PABPC1: variants seen among roughly 807,000 people sequenced by gnomAD.
PABPC1 encodes poly(A) binding protein cytoplasmic 1.
A neutral mutation model predicts 74.0 loss-of-function variants in PABPC1; 4 were observed. The ratio of observed to expected loss-of-function variants is 0.05; its 90% CI spans 0.03 to 0.12. The LOEUF is 0.12. Ranked by LOEUF, PABPC1 falls within the 10% of genes least tolerant of loss-of-function variation. The pLI, the probability that PABPC1 is intolerant of heterozygous loss-of-function variation, is 1.00. For missense variants in PABPC1, 271 were observed against 821.1 expected, an observed-to-expected ratio of 0.33 and a Z score of 8.19; for synonymous variants, 227 against 264.1, an observed-to-expected ratio of 0.86 and a Z score of 1.36.
intron 11 of PABPC1, 125 bp from the exon 12 acceptor site, chr8:100,705,798 G>A (rs1272112602): frequency 2.9e-6 from 2 of 680,092 alleles, no homozygotes; most frequent in East Asian, 2.7e-5. Flanking sequence ...GAAGTTGAGT[G>A]AGCGAATTAG....
chr8:100,717,089 C>A (rs1810691159), intron 3 of PABPC1, among the ~76,000 whole-genome samples: 1 of 152,160 alleles, frequency 6.6e-6, no homozygotes. Context: ...CGGTTCACTG[C>A]AACCTCCGCC....
Position 100,709,584 on chromosome 8 carries a change from G to A in PABPC1, c.1120C>T (p.Arg374Cys), listed in dbSNP as rs200409148. Residue 374 changes from arginine (R) to cysteine (C), a missense_variant, in exon 8 of 15, where the codon CGC becomes TGC. Physicochemically the swap from Arg to Cys is radical, Grantham distance 180. Around this residue, in one of 7 missense-constraint regions of PABPC1, gnomAD observed 7 missense variants for 71.8 expected, o/e 0.10. Coordinates refer to ENST00000318607, the MANE Select transcript of PABPC1 (RefSeq NM_002568.4). ...YVALAQRKEE[R>C]QAHLTNQYMQ... ...TACTGGTTAGTGAGGTGAGCCTGGC[G>A]CTCTTCTTTGCGCTGAGCTAAAGCT... 0.041 allele frequency: 41,465 copies of A among 1,012,748 alleles called. No homozygotes were observed. The highest frequency in any genetic ancestry group is 0.14 in the South Asian group (6,010 of 44,384). The allele number at this position is 1,012,748 out of a possible 1,614,324, so 62.7% of individuals were successfully genotyped here. A position where few individuals can be genotyped will look rare whatever the true frequency, so the allele number is the denominator to read the frequency against.
rs966800317 is a variant in PABPC1 at position 100,721,039 on chromosome 8, G to A, written c.193+352C>T. On this transcript the variant is annotated intron_variant, in intron 1 of 14. Transcript: ENST00000318607. This position sits in a 1 kb window ranked among gnomAD's most constrained non-coding sequence, Gnocchi z 7.4. The stretch of plus-strand genomic sequence containing the variant: ...CGCCTCCACCTCTTACCCACGGAAG[G>A]AGCTCAGCGTTCAACGCCCCAGAAT... 2.8e-5 allele frequency among the ~76,000 whole-genome samples: 4 copies of A among 144,394 alleles called. No homozygotes were observed. The highest frequency in any genetic ancestry group is 2.1e-4 in the South Asian group (1 of 4,826). The allele number at this position is 144,394 out of a possible 152,430, so 94.7% of individuals were successfully genotyped here.
intron 4 of PABPC1, 71 bp downstream of exon 4, chr8:100,715,391 G>A (rs906653839): frequency 4.5e-6 from 6 of 1,324,976 alleles, no homozygotes; most frequent in South Asian, 3.2e-5. Context: ...TTAGTATAAA[G>A]TAATAGCTAA....
chr8:100,714,422 G>C (rs1002281974), intron 4 of PABPC1, among the ~76,000 whole-genome samples: 1 of 152,130 alleles, frequency 6.6e-6, no homozygotes, highest in African/African-American at 2.4e-5. Flanking sequence ...TGACATGCTA[G>C]CATGGCAGTA....
chr8:100,715,618 G>A lies in PABPC1; in HGVS notation c.504-17C>T. On this transcript the variant is annotated splice_polypyrimidine_tract_variant and intron_variant, in intron 3 of 14. Transcript: ENST00000318607. ...CCAACAAATCTAATAAGATATACAA[G>A]GACTATAACATTAGATTCTATTTTA... 6.4e-7 allele frequency: 1 copy of A among 1,565,528 alleles called. No individual in the cohort carries two copies. The highest frequency in any genetic ancestry group is 1.2e-5 in the South Asian group (1 of 86,730).
At position 100,712,733 on chromosome 8, in the gene PABPC1, T is replaced by C; in HGVS notation, c.795A>G (p.Arg265=). ...TCTGCCGTTCCACCTTTTTCTGAGC[T>C]CGACCAACATAAATTTGTTTTCCAT... ...ELNGKQIYVG[R]AQKKVERQTE... is the part of the protein sequence containing the mutation. The change falls in exon 6 of 15, where the codon CGA becomes CGG. Residue 265 remains arginine, a synonymous_variant. Transcript: ENST00000318607. The C allele has an allele frequency of 6.2e-7, 1 of 1,613,138 alleles. No homozygotes were observed. The highest frequency in any genetic ancestry group is 8.5e-7 in the Non-Finnish European group (1 of 1,179,906).
rs1431779730 is a variant in PABPC1 at position 100,721,851 on chromosome 8, C to T, written c.-268G>A. On this transcript the variant is annotated 5_prime_UTR_variant, in exon 1 of 15. Coordinates refer to ENST00000318607, the MANE Select transcript of PABPC1 (RefSeq NM_002568.4). The surrounding 1 kb of genome is among the most constrained non-coding windows in gnomAD (Gnocchi z 7.4). Reference sequence around the variant, plus strand: ...TCGGTCTCTTGGTTCCTTCTTGGAGCTGCTGCGGGGCCGCGGGCGGGCGGG... The same window carrying T: ...TCGGTCTCTTGGTTCCTTCTTGGAGTTGCTGCGGGGCCGCGGGCGGGCGGG... The T allele has an allele frequency of 1.2e-4, 43 of 352,328 alleles. No individual in the cohort carries two copies. In the East Asian group the frequency reaches 1.8e-3, roughly 15 times the overall value. 21.8% of individuals were successfully genotyped at this position (352,328 alleles called of 1,614,324 possible).
chr8:100,714,863 T>C (rs1056967378), intron 4 of PABPC1, among the ~76,000 whole-genome samples: 1 of 152,230 alleles, frequency 6.6e-6, no homozygotes, highest in Non-Finnish European at 1.5e-5. Flanking sequence ...TTATTTTATC[T>C]GTTATACCCC....
At chr8:100,715,906 G>T (rs929880785) in intron 3 of PABPC1, among the ~76,000 whole-genome samples, 2 of 152,100 alleles carry the variant, frequency 1.3e-5, no homozygotes, top group Non-Finnish European at 2.9e-5. Flanking sequence ...TGTGTACCAT[G>T]CCAATAAAAA....
At chr8:100,707,763 C>T (rs1810419597) in intron 9 of PABPC1, among the ~76,000 whole-genome samples, 1 of 152,204 alleles carries the variant, frequency 6.6e-6, no homozygotes, top group Non-Finnish European at 1.5e-5. Flanking sequence ...CTCTAAACTC[C>T]CCAGGGGAAA....
chr8:100,720,260 T>C (rs1008275894), intron 1 of PABPC1, among the ~76,000 whole-genome samples: 1 of 138,226 alleles, frequency 7.2e-6, no homozygotes, highest in Admixed American at 6.9e-5. Flanking sequence ...AGACCACAGA[T>C]ATTATCTGTT....
rs1414437684 is a variant in PABPC1 at position 100,717,871 on chromosome 8, A to G, written c.405T>C (p.Asn135=). The change falls in exon 3 of 15, where the codon AAT becomes AAC. Residue 135 remains asparagine, a synonymous_variant. Coordinates refer to ENST00000318607, the MANE Select transcript of PABPC1 (RefSeq NM_002568.4). ...ILSCKVVCDE[N]GSKGYGFVHF... is the part of the protein sequence containing the mutation. ...GTACAAATCCATAGCCCTTGGAACCATTTTCATCACAAACCACCTAGGGAA... is the reference window on the plus strand; with the variant it reads ...GTACAAATCCATAGCCCTTGGAACCGTTTTCATCACAAACCACCTAGGGAA... 6.2e-7 allele frequency: 1 copy of G among 1,612,556 alleles called. No homozygotes were observed. Among genetic ancestry groups the G allele is most frequent in the Non-Finnish European group, 8.5e-7 (1 of 1,178,796 alleles).
intron 4 of PABPC1, 82 bp from the exon 5 acceptor site, chr8:100,713,263 T>C (rs1810577045): frequency 5.0e-6 from 4 of 797,772 alleles, no homozygotes; most frequent in Non-Finnish European, 7.4e-6. Flanking sequence ...TACAAAGCCA[T>C]GAAAAAAATT....
intron 1 of PABPC1, among the ~76,000 whole-genome samples, chr8:100,719,822 A>G (rs555246584): frequency 6.6e-6 from 1 of 152,336 alleles, no homozygotes; most frequent in East Asian, 1.9e-4. Context: ...AGGTTGTGAT[A>G]ACCTGCCCCA....
At chr8:100,709,399 A>C (rs1181354273) in intron 8 of PABPC1, 60 bp downstream of exon 8, 11 of 1,594,976 alleles carry the variant, frequency 6.9e-6, no homozygotes, top group Non-Finnish European at 9.4e-6. Flanking sequence ...GGGCACAAAA[A>C]ACACTAGAAA....
intron 7 of PABPC1, 171 bp from the exon 8 acceptor site, chr8:100,709,902 A>T (rs1034222197): frequency 4.0e-5 from 28 of 702,974 alleles, no homozygotes; most frequent in Non-Finnish European, 1.8e-5. Flanking sequence ...ATACCCAATT[A>T]TTAAGGGCAA....
intron 12 of PABPC1, among the ~76,000 whole-genome samples, chr8:100,705,267 G>C (rs1452739892): frequency 3.9e-5 from 6 of 152,220 alleles, no homozygotes; most frequent in Admixed American, 1.3e-4. Context: ...TGCCAATTAA[G>C]CAATGTTACC....
At chr8:100,706,182 C>A (rs559426758) in intron 11 of PABPC1, among the ~76,000 whole-genome samples, 21 of 152,192 alleles carry the variant, frequency 1.4e-4, no homozygotes, top group African/African-American at 5.1e-4. Flanking sequence ...TCAGACCAGG[C>A]GTGGTGATTT....
Sources: gnomAD v4.1 joint callset for allele counts (sites outside exome capture counted in the v4.1 genomes callset) on GRCh38, gnomAD v4.1.1 for gene constraint, gnomAD v4.1.1 regional missense constraint, Gnocchi (gnomAD v3.1) non-coding constraint, MANE v1.5 for transcripts, NCBI Gene and HGNC (gene_info 2026-07-23, HGNC 2026-07-21) for gene names.